Variants in TLCD3B observed in about 807,000 individuals in gnomAD.
TLCD3B encodes ceramide synthase.
TLCD3B carries 9 observed loss-of-function variants against 23.0 expected under a neutral mutation model. That is an observed-to-expected ratio of 0.39 (90% confidence interval 0.24 to 0.68). The LOEUF (loss-of-function observed/expected upper bound fraction) is 0.68, where lower values mean the gene tolerates loss of function less well. Among genes scored for constraint, TLCD3B ranks in the 30% least tolerant of loss-of-function variants. The pLI is 0.44. For synonymous variants in TLCD3B, 161 were observed against 161.0 expected (o/e 1.00, Z 0.00); for missense variants, 307 against 371.8 (o/e 0.83, Z 1.43).
chr16:30,032,026 C>A (rs1257641431), upstream of TLCD3B, among the ~76,000 whole-genome samples: 4 of 152,218 alleles, frequency 2.6e-5, no homozygotes, highest in Non-Finnish European at 5.9e-5. Flanking sequence ...TAAATTCCCA[C>A]CCCTCACTTT....
At chr16:30,036,899 A>T (rs2071484533) in intron 3 of TLCD3B, among the ~76,000 whole-genome samples, 1 of 151,890 alleles carries the variant, frequency 6.6e-6, no homozygotes, top group African/African-American at 2.4e-5. Context: ...ATACTGGCTA[A>T]CATGGGGAAA....
chr16:30,044,858 G>A (rs935515020), intron 2 of TLCD3B, among the ~76,000 whole-genome samples: 9 of 151,894 alleles, frequency 5.9e-5, no homozygotes. Context: ...CGGGCGGCGG[G>A]GGGGTGCGGA....
rs1181478344 is a variant in TLCD3B at position 30,029,636 on chromosome 16, G to T, written c.126-121C>A. The T allele has an allele frequency of 6.0e-6, 5 of 834,216 alleles. No individual in the cohort carries two copies. Among genetic ancestry groups the T allele is most frequent in the African/African-American group, 5.0e-5 (3 of 59,488 alleles). The allele number at this position is 834,216 out of a possible 1,614,324, so 51.7% of individuals were successfully genotyped here. ...TCAGCCACTTCTCGGGCCAGTCCTT[G>T]CCTGCCTTCGCCCAAGGCTGGGCTG... On this transcript the variant is annotated intron_variant, in intron 1 of 4. Transcript: ENST00000380495. This position sits in a 1 kb window ranked among gnomAD's most constrained non-coding sequence, Gnocchi z 4.6.
At chr16:30,038,418 C>A (rs1366657542) in intron 3 of TLCD3B, among the ~76,000 whole-genome samples, 5 of 152,158 alleles carry the variant, frequency 3.3e-5, no homozygotes, top group Non-Finnish European at 1.5e-5. Flanking sequence ...CGAGACTGCA[C>A]TCCAGCCTTG....
In TLCD3B at chr16:30,040,133, C is replaced by CAAAAAA. The variant is rs1205462051; in HGVS notation, c.-67+856_-67+861dup. ...TGGGCAACACAGCAAGACTTTGTCTCAAAAAAAAAAAAAAATATATATATA... is the reference window on the plus strand; with the variant it reads ...TGGGCAACACAGCAAGACTTTGTCTCAAAAAAAAAAAAAAAAAAAAATATATATATA... On this transcript the variant is annotated intron_variant, in intron 3 of 6. Transcript: ENST00000561666. Among the ~76,000 whole-genome samples the CAAAAAA allele has an allele frequency of 7.9e-4, 67 of 84,824 alleles. 1 individual carries two copies. The highest frequency in any genetic ancestry group is 2.7e-3 in the African/African-American group (52 of 19,024). The allele number at this position is 84,824 out of a possible 152,430, so 55.6% of individuals were successfully genotyped here.
chr16:30,031,819 C>T (rs1287758056), upstream of TLCD3B, among the ~76,000 whole-genome samples: 1 of 152,186 alleles, frequency 6.6e-6, no homozygotes, highest in African/African-American at 2.4e-5. Flanking sequence ...ACAGGGCCAT[C>T]AACGATCCTG....
rs1017791569 is a variant in TLCD3B at position 30,024,543 on chromosome 16, C to T, written c.*640G>A. Reference sequence around the variant, plus strand: ...GTAGCACCAGGGACATGGCAGGGCCCGAGGGCGCGATGTGCAGCCGATGGT... The same window carrying T: ...GTAGCACCAGGGACATGGCAGGGCCTGAGGGCGCGATGTGCAGCCGATGGT... On this transcript the variant is annotated 3_prime_UTR_variant, in exon 5 of 5. Coordinates refer to ENST00000380495, the MANE Select transcript of TLCD3B (RefSeq NM_031478.6). 21 of 421,898 alleles carry T rather than the reference C, an allele frequency of 5.0e-5. No individual in the cohort carries two copies. The highest frequency in any genetic ancestry group is 2.1e-4 in the South Asian group (5 of 23,418). 26.1% of individuals were successfully genotyped at this position (421,898 alleles called of 1,614,324 possible). A position where few individuals can be genotyped will look rare whatever the true frequency, so the allele number is the denominator to read the frequency against.
chr16:30,031,525 C>T (rs1023911417), upstream of TLCD3B, among the ~76,000 whole-genome samples: 1 of 152,246 alleles, frequency 6.6e-6, no homozygotes, highest in African/African-American at 2.4e-5. Flanking sequence ...CTCACCAAGC[C>T]ATCCCTCTGT....
intron 2 of TLCD3B, chr16:30,027,204 C>A (rs1316573836): frequency 2.1e-6 from 1 of 466,010 alleles, no homozygotes; most frequent in African/African-American, 2.0e-5. Context: ...TTTGTCCTAA[C>A]CTTACCATGA....
At position 30,024,549 on chromosome 16, in the gene TLCD3B, C is replaced by T. The variant is rs755843733; in HGVS notation, c.*634G>A. The T allele has an allele frequency of 1.3e-4, 54 of 411,810 alleles. No homozygotes were observed. The highest frequency in any genetic ancestry group is 1.9e-4 in the Non-Finnish European group (43 of 229,244). 25.5% of individuals were successfully genotyped at this position (411,810 alleles called of 1,614,324 possible). A position where few individuals can be genotyped will look rare whatever the true frequency, so the allele number is the denominator to read the frequency against. On this transcript the variant is annotated 3_prime_UTR_variant, in exon 5 of 5. Coordinates refer to ENST00000380495, the MANE Select transcript of TLCD3B (RefSeq NM_031478.6). Reference sequence around the variant, plus strand: ...CCAGGGACATGGCAGGGCCCGAGGGCGCGATGTGCAGCCGATGGTGAGGGA... The same window carrying T: ...CCAGGGACATGGCAGGGCCCGAGGGTGCGATGTGCAGCCGATGGTGAGGGA...
intron 2 of TLCD3B, among the ~76,000 whole-genome samples, chr16:30,028,436 G>A (rs2071241202): frequency 1.3e-5 from 2 of 152,122 alleles, no homozygotes; most frequent in Admixed American, 1.3e-4. Flanking sequence ...TGAAGGCTGG[G>A]GAGGAAGTGC....
chr16:30,031,408 G>C (rs894054109), upstream of TLCD3B: 1 of 152,490 alleles, frequency 6.6e-6, no homozygotes, highest in Admixed American at 6.5e-5. Flanking sequence ...CTCTTGGGGA[G>C]GAAGGGGGCC....
Position 30,025,379 on chromosome 16 carries a change from T to G in TLCD3B, c.629A>C (p.Tyr210Ser), listed in dbSNP as rs1179917938. The G allele has an allele frequency of 6.2e-7, 1 of 1,608,044 alleles. No homozygotes were observed. Reference sequence around the variant, plus strand: ...ATGGCGCCCGTAGGCCCAGTACAGGTAGGGAAAGAGCAGCACCCGGCAGCA... The same window carrying G: ...ATGGCGCCCGTAGGCCCAGTACAGGGAGGGAAAGAGCAGCACCCGGCAGCA... Reference protein sequence around the residue: ...FLCCRVLLFPYLYWAYGRHAG... With the variant: ...FLCCRVLLFPSLYWAYGRHAG... Residue 210 changes from tyrosine to serine, a missense_variant, in exon 5 of 5, where the codon TAC (tyrosine) becomes TCC (serine). Tyr to Ser is a moderately radical substitution (Grantham distance 144, BLOSUM62 -2). Coordinates refer to ENST00000380495, the MANE Select transcript of TLCD3B (RefSeq NM_031478.6). This position sits in a 1 kb window ranked among gnomAD's most constrained non-coding sequence, Gnocchi z 4.1.
rs1284926368 is a variant in TLCD3B, at chr16:30,029,095, G to C, written c.209+337C>G. 6.6e-6 allele frequency among the ~76,000 whole-genome samples: 1 copy of C among 152,198 alleles called. No individual in the cohort carries two copies. The highest frequency in any genetic ancestry group is 6.5e-5 in the Admixed American group (1 of 15,282). ...GCATGAGGAGGGGGCACCCCATCTG[G>C]GTGCTGGCTGGAAATGGGGTCTGCC... On this transcript the variant is annotated intron_variant, in intron 2 of 4. Transcript: ENST00000380495. The surrounding 1 kb of genome is among the most constrained non-coding windows in gnomAD (Gnocchi z 4.6).
At chr16:30,028,373 CA>C (rs1368023022) in intron 2 of TLCD3B, among the ~76,000 whole-genome samples, 7 of 152,032 alleles carry the variant, frequency 4.6e-5, no homozygotes, top group African/African-American at 1.7e-4. Flanking sequence ...GGAACAGACA[CA>C]GGGGGGCCTG....
Position 30,029,378 on chromosome 16 carries a change from C to T in TLCD3B, c.209+54G>A. ...CAAGATGTGGGGTCTTCCGGGATTA[C>T]CCGTACACGCCAACCACTGGCACCT... On this transcript the variant is annotated intron_variant, in intron 2 of 4. Coordinates refer to ENST00000380495, the MANE Select transcript of TLCD3B (RefSeq NM_031478.6). The surrounding 1 kb of genome is among the most constrained non-coding windows in gnomAD (Gnocchi z 4.6). 2 of 1,510,926 alleles carry T rather than the reference C, an allele frequency of 1.3e-6. No homozygotes were observed. Among genetic ancestry groups the T allele is most frequent in the African/African-American group, 1.4e-5 (1 of 72,916 alleles). 93.6% of individuals were successfully genotyped at this position (1,510,926 alleles called of 1,614,324 possible). A position where few individuals can be genotyped will look rare whatever the true frequency, so the allele number is the denominator to read the frequency against.
At chr16:30,047,623 A>C (rs2071692853) in intron 1 of TLCD3B, among the ~76,000 whole-genome samples, 1 of 151,358 alleles carries the variant, frequency 6.6e-6, no homozygotes, top group Admixed American at 6.6e-5. Context: ...CACCCAGCCT[A>C]ATTTTTGTAT....
chr16:30,029,371 G>T lies in TLCD3B; in HGVS notation c.209+61C>A, dbSNP rs1401386708. The T allele has an allele frequency of 5.4e-6, 8 of 1,473,272 alleles. No homozygotes were observed. In the Admixed American group the frequency reaches 1.0e-4, roughly 19 times the overall value. 91.3% of individuals were successfully genotyped at this position (1,473,272 alleles called of 1,614,324 possible). A position where few individuals can be genotyped will look rare whatever the true frequency, so the allele number is the denominator to read the frequency against. On this transcript the variant is annotated intron_variant, in intron 2 of 4. Transcript: ENST00000380495. The surrounding 1 kb of genome is among the most constrained non-coding windows in gnomAD (Gnocchi z 4.6). ...TTCCCTCCAAGATGTGGGGTCTTCC[G>T]GGATTACCCGTACACGCCAACCACT...
chr16:30,029,436 C>A lies in TLCD3B; in HGVS notation c.205G>T (p.Asp69Tyr). Residue 69 changes from aspartate to tyrosine, a missense_variant, in exon 2 of 5, where the codon GAC (aspartate) becomes TAC (tyrosine). Coordinates refer to ENST00000380495, the MANE Select transcript of TLCD3B (RefSeq NM_031478.6). This position sits in a 1 kb window ranked among gnomAD's most constrained non-coding sequence, Gnocchi z 4.6. ...GGGGTGTCTCGCAGCACTTACTGGT[C>A]ATCAATGATGTGCTTGCAGGAGGTG... Reference protein sequence around the residue: ...VSTSCKHIIDDQHWLSSAYTQ... With the variant: ...VSTSCKHIIDYQHWLSSAYTQ... 2 of 1,613,798 alleles carry A rather than the reference C, an allele frequency of 1.2e-6. No homozygotes were observed. Among genetic ancestry groups the A allele is most frequent in the South Asian group, 2.2e-5 (2 of 91,024 alleles).
Sources: allele counts gnomAD v4.1 joint callset (sites outside exome capture counted in the v4.1 genomes callset), GRCh38; gene constraint gnomAD v4.1.1; non-coding constraint Gnocchi (gnomAD v3.1); transcripts MANE v1.5; gene names NCBI Gene and HGNC (gene_info 2026-07-23, HGNC 2026-07-21).